RGS7: variants seen among roughly 807,000 people sequenced by gnomAD.
RGS7 encodes the protein regulator of G protein signaling 7, also known as regulator of G-protein signaling 7.
In RGS7, 27 loss-of-function variants were observed where a neutral mutation model predicts 81.1. The observed-to-expected ratio is 0.33, with a 90% CI of 0.25 to 0.46. RGS7 has a LOEUF of 0.46. Among genes scored for constraint, RGS7 ranks in the 20% least tolerant of loss-of-function variants. RGS7 has a pLI of 1.00. For synonymous variants in RGS7, 208 were observed against 207.7 expected, an observed-to-expected ratio of 1.00 and a Z score of -0.01; for missense variants, 396 against 607.4, an observed-to-expected ratio of 0.65 and a Z score of 3.66.
chr1:241,061,079 C>A (rs535776636), intron 3 of RGS7, among the ~76,000 whole-genome samples: 1 of 152,318 alleles, frequency 6.6e-6, no homozygotes, highest in East Asian at 1.9e-4. Flanking sequence ...CTGCCTAAGA[C>A]TCAGCTTTGA....
At chr1:241,178,649 A>G (rs2071354401) in intron 2 of RGS7, among the ~76,000 whole-genome samples, 1 of 152,234 alleles carries the variant, frequency 6.6e-6, no homozygotes. Context: ...GATTAAAGCC[A>G]ATTACTAGGT....
At chr1:240,856,251 G>A (rs886589386) in intron 9 of RGS7, among the ~76,000 whole-genome samples, 4 of 152,022 alleles carry the variant, frequency 2.6e-5, no homozygotes. Context: ...TTAGCTCAAC[G>A]TAAACCTCTG....
chr1:240,994,628 T>C (rs1036337176), intron 3 of RGS7, among the ~76,000 whole-genome samples: 3 of 152,090 alleles, frequency 2.0e-5, no homozygotes, highest in Non-Finnish European at 4.4e-5. Flanking sequence ...GAAGCTTTAA[T>C]TTCTTCCTTT....
chr1:241,265,236 G>A (rs968748190), intron 2 of RGS7, among the ~76,000 whole-genome samples: 6 of 152,178 alleles, frequency 3.9e-5, no homozygotes, highest in African/African-American at 1.4e-4. Flanking sequence ...TGCTGTCAAT[G>A]TTATCTGTCC....
chr1:241,021,828 G>C (rs6672213), intron 3 of RGS7, among the ~76,000 whole-genome samples: 17,145 of 152,172 alleles, frequency 0.11, 1,133 homozygotes, highest in Middle Eastern at 0.17. Context: ...TAACCACTCG[G>C]GGTCCTATCT....
intron 2 of RGS7, among the ~76,000 whole-genome samples, chr1:241,142,581 G>A (rs2068009432): frequency 6.6e-6 from 1 of 152,216 alleles, no homozygotes; most frequent in Admixed American, 6.5e-5. Flanking sequence ...AGCCATGGCT[G>A]GAGTGGCTGG....
At chr1:240,813,043 G>T (rs1690152920) in intron 13 of RGS7, among the ~76,000 whole-genome samples, 1 of 152,082 alleles carries the variant, frequency 6.6e-6, no homozygotes, top group Non-Finnish European at 1.5e-5. Flanking sequence ...TCTTTTCTTT[G>T]TAAAGTGATA....
chr1:241,140,870 C>T (rs1335171430), intron 2 of RGS7, among the ~76,000 whole-genome samples: 1 of 152,182 alleles, frequency 6.6e-6, no homozygotes, highest in East Asian at 1.9e-4. Flanking sequence ...AAAGTAGTTT[C>T]TTCAGACATA....
At chr1:240,846,625 C>T (rs1316500486) in intron 9 of RGS7, among the ~76,000 whole-genome samples, 2 of 152,178 alleles carry the variant, frequency 1.3e-5, no homozygotes, top group Non-Finnish European at 2.9e-5. Context: ...CCCTCCATAA[C>T]AGTCCCTATT....
Position 240,890,788 on chromosome 1 carries a change from A to G in RGS7, c.386-20669T>C, listed in dbSNP as rs181759973. On this transcript the variant is annotated intron_variant, in intron 6 of 18. Coordinates refer to ENST00000440928, the MANE Select transcript of RGS7 (RefSeq NM_001364886.1). ...TTTGTTCTTGTTGCACAGCTAATAA[A>G]TGGCTGCATTGGAATTTGAACCCAG... 2.0e-3 allele frequency among the ~76,000 whole-genome samples: 300 copies of G among 152,340 alleles called. 4 individuals are homozygous for G. Among genetic ancestry groups the G allele is most frequent in the African/African-American group, 7.1e-3 (297 of 41,586 alleles).
intron 14 of RGS7, among the ~76,000 whole-genome samples, chr1:240,808,035 C>CAAAAAAAA (rs34236519): frequency 1.5e-5 from 1 of 66,612 alleles, no homozygotes; most frequent in Non-Finnish European, 3.1e-5. Flanking sequence ...AACTTCATCT[C>CAAAAAAAA]AAAAAAAAAA....
chr1:240,808,860 G>A (rs1689340418), intron 14 of RGS7, among the ~76,000 whole-genome samples: 2 of 148,780 alleles, frequency 1.3e-5, no homozygotes, highest in Non-Finnish European at 3.0e-5. Flanking sequence ...GGGTGTCAGA[G>A]AAAGATCCCA....
chr1:241,256,245 AT>A (rs59868046), intron 2 of RGS7, among the ~76,000 whole-genome samples: 21 of 152,294 alleles, frequency 1.4e-4, no homozygotes, highest in Non-Finnish European at 8.8e-5. Flanking sequence ...AAAATTATAC[AT>A]TTTTTAAAAG....
rs145217999 is a variant in RGS7, at chr1:240,998,807, T to C, written c.176-15678A>G. ...AGACGAAGGCCATGGCACGGGTGAG[T>C]GTGGGGCTGGCGCTGCCGGACGCGG... is the stretch of plus-strand genomic sequence containing the variant. On this transcript the variant is annotated intron_variant, in intron 3 of 18. Transcript: ENST00000440928. 1.2e-3 allele frequency: 748 copies of C among 638,210 alleles called. 6 individuals are homozygous for C. The African/African-American group carries it at 0.013, about 11-fold the overall frequency. 39.5% of individuals were successfully genotyped at this position (638,210 alleles called of 1,614,324 possible). A position where few individuals can be genotyped will look rare whatever the true frequency, so the allele number is the denominator to read the frequency against.
At chr1:240,816,457 G>A (rs368873941) in intron 10 of RGS7, 42 bp from the exon 11 acceptor site, 216 of 1,265,320 alleles carry the variant, frequency 1.7e-4, no homozygotes, top group Admixed American at 4.0e-4. Context: ...ACAAAATACC[G>A]TTTACAGTCA....
intron 3 of RGS7, among the ~76,000 whole-genome samples, chr1:241,079,765 G>T (rs989460853): frequency 1.3e-5 from 2 of 152,016 alleles, no homozygotes; most frequent in African/African-American, 2.4e-5. Context: ...TAGCAATTCA[G>T]AAGAAAGCAA....
At chr1:240,786,208 AT>A (rs1685038584) in intron 18 of RGS7, among the ~76,000 whole-genome samples, 1 of 152,158 alleles carries the variant, frequency 6.6e-6, no homozygotes, top group South Asian at 2.1e-4. Flanking sequence ...GAAGAAATAA[AT>A]ATTACTTGAA....
intron 2 of RGS7, among the ~76,000 whole-genome samples, chr1:241,220,370 G>A (rs2074820958): frequency 6.6e-6 from 1 of 152,098 alleles, no homozygotes; most frequent in African/African-American, 2.4e-5. Flanking sequence ...CATACTGCAG[G>A]CCAATTAAAT....
intron 2 of RGS7, among the ~76,000 whole-genome samples, chr1:241,192,311 G>T (rs1197789061): frequency 6.7e-6 from 1 of 148,678 alleles, no homozygotes; most frequent in Non-Finnish European, 1.5e-5. Flanking sequence ...TTTTGATTTG[G>T]CTTGGTTTTA....
Sources: allele counts gnomAD v4.1 joint callset (sites outside exome capture counted in the v4.1 genomes callset), GRCh38; gene constraint gnomAD v4.1.1; transcripts MANE v1.5; gene names NCBI Gene and HGNC (gene_info 2026-07-23, HGNC 2026-07-21).